Variants in ADCK1 observed in about 807,000 individuals in gnomAD.
The protein encoded by ADCK1 is aarF domain containing kinase 1.
ADCK1 carries 41 observed loss-of-function variants against 52.3 expected under a neutral mutation model. The observed-to-expected ratio is 0.78, with a 90% CI of 0.61 to 1.02. The LOEUF is 1.02. Among genes scored for constraint, ADCK1 ranks in the 50% least tolerant of loss-of-function variants. The pLI is 0.00. For missense variants in ADCK1, 658 were observed against 679.5 expected, an observed-to-expected ratio of 0.97 and a Z score of 0.35; for synonymous variants, 250 against 274.6, an observed-to-expected ratio of 0.91 and a Z score of 0.89.
intron 1 of ADCK1, among the ~76,000 whole-genome samples, chr14:77,808,988 A>T (rs1483385073): frequency 6.6e-6 from 1 of 152,226 alleles, no homozygotes; most frequent in Non-Finnish European, 1.5e-5. Context: ...TAATTAGACT[A>T]GTGAGGAATG....
At chr14:77,827,402 C>A (rs1184052316) in intron 3 of ADCK1, among the ~76,000 whole-genome samples, 2 of 147,850 alleles carry the variant, frequency 1.4e-5, no homozygotes, top group Admixed American at 6.7e-5. Context: ...CTAGATCTAG[C>A]TGAAATTGAA....
chr14:77,849,245 T>C (rs1373202930), intron 3 of ADCK1, among the ~76,000 whole-genome samples: 1 of 152,186 alleles, frequency 6.6e-6, no homozygotes, highest in African/African-American at 2.4e-5. Context: ...CAGCAATTTT[T>C]AAATTTTTTG....
chr14:77,917,321 A>G (rs2083947821), intron 7 of ADCK1, among the ~76,000 whole-genome samples: 1 of 152,176 alleles, frequency 6.6e-6, no homozygotes, highest in Non-Finnish European at 1.5e-5. Context: ...AGAGAGTTTG[A>G]ATGATTAACC....
intron 3 of ADCK1, among the ~76,000 whole-genome samples, chr14:77,833,614 A>G (rs1305995229): frequency 6.6e-6 from 1 of 152,166 alleles, no homozygotes; most frequent in African/African-American, 2.4e-5. Context: ...AGTTTTCCAC[A>G]GTGGCCCTGA....
chr14:77,837,010 G>A (rs746976500), intron 3 of ADCK1, among the ~76,000 whole-genome samples: 4 of 151,632 alleles, frequency 2.6e-5, no homozygotes, highest in Non-Finnish European at 5.9e-5. Context: ...GGCTGGTCTC[G>A]AACTCCTGAC....
chr14:77,884,725 G>A (rs2083110013), intron 4 of ADCK1, among the ~76,000 whole-genome samples: 1 of 152,120 alleles, frequency 6.6e-6, no homozygotes, highest in Non-Finnish European at 1.5e-5. Flanking sequence ...TTCTACCCCA[G>A]GCTTATATTT....
chr14:77,820,890 A>G (rs911473307), intron 2 of ADCK1: 1 of 151,520 alleles, frequency 6.6e-6, no homozygotes, highest in African/African-American at 2.4e-5. Context: ...TAATTTCTGT[A>G]TTTTTAGTAG....
Position 77,923,717 on chromosome 14 carries a change from G to A in ADCK1, c.859-740G>A, listed in dbSNP as rs17106616. The A allele has an allele frequency of 0.14, 21,495 of 152,176 alleles. 1,844 individuals carry two copies. Among genetic ancestry groups the A allele is most frequent in the East Asian group, 0.41 (2,118 of 5,164 alleles). 9.4% of individuals were successfully genotyped at this position (152,176 alleles called of 1,614,324 possible). On this transcript the variant is annotated intron_variant, in intron 7 of 10. Transcript: ENST00000238561. This position sits in a 1 kb window ranked among gnomAD's most constrained non-coding sequence, Gnocchi z 4.3. ...CTTTATTCAGCAGCTGTTCCTTAGC[G>A]GGGAAGAGGCTTTTAGCTTTAATAA...
Position 77,804,710 on chromosome 14 carries a change from C to T in ADCK1, c.-12+4540C>T, listed in dbSNP as rs1307536063. On this transcript the variant is annotated intron_variant, in intron 1 of 10. Transcript: ENST00000238561. ...ATTGTTCCTTGCTCTGCACAGGTCT[C>T]AGGCCTCACTGGCTGTAGTTTGTCC... 2.6e-5 allele frequency among the ~76,000 whole-genome samples: 4 copies of T among 152,176 alleles called. No individual in the cohort carries two copies. In the South Asian group the frequency reaches 6.2e-4, roughly 24 times the overall value.
At chr14:77,846,969 C>T (rs763294492) in intron 3 of ADCK1, among the ~76,000 whole-genome samples, 1 of 152,196 alleles carries the variant, frequency 6.6e-6, no homozygotes, top group Non-Finnish European at 1.5e-5. Context: ...TGCCCTTCAT[C>T]CTGGGATTGT....
intron 3 of ADCK1, among the ~76,000 whole-genome samples, chr14:77,847,659 C>T (rs911899999): frequency 1.6e-4 from 24 of 152,316 alleles, no homozygotes; most frequent in Non-Finnish European, 2.6e-4. Flanking sequence ...AAGATTGTTT[C>T]CCTTTTCCCA....
At chr14:77,826,855 A>C (rs1277154748) in intron 3 of ADCK1, among the ~76,000 whole-genome samples, 1 of 152,156 alleles carries the variant, frequency 6.6e-6, no homozygotes, top group Non-Finnish European at 1.5e-5. Flanking sequence ...AGCGGAGTCT[A>C]TTCTGCCGGC....
chr14:77,847,849 AT>A (rs1236417031), intron 3 of ADCK1, among the ~76,000 whole-genome samples: 2 of 152,086 alleles, frequency 1.3e-5, no homozygotes, highest in East Asian at 3.9e-4. Context: ...GTGTTCATGA[AT>A]TTGTTCCCAA....
At chr14:77,891,742 C>T (rs1239668650) in intron 5 of ADCK1, among the ~76,000 whole-genome samples, 1 of 152,138 alleles carries the variant, frequency 6.6e-6, no homozygotes, top group Non-Finnish European at 1.5e-5. Context: ...GGCCACCACC[C>T]CATGGATCAT....
intron 1 of ADCK1, among the ~76,000 whole-genome samples, chr14:77,803,613 A>G (rs938532404): frequency 6.6e-6 from 1 of 152,188 alleles, no homozygotes; most frequent in African/African-American, 2.4e-5. Context: ...TGATTTGACA[A>G]TAAAACAGCC....
chr14:77,835,385 G>A (rs997022494), intron 3 of ADCK1, among the ~76,000 whole-genome samples: 9 of 152,172 alleles, frequency 5.9e-5, no homozygotes. Flanking sequence ...CCTTCTTTCT[G>A]TATAACCAGA....
intron 4 of ADCK1, among the ~76,000 whole-genome samples, chr14:77,885,205 G>C (rs1042105421): frequency 2.0e-5 from 3 of 152,216 alleles, no homozygotes; most frequent in Non-Finnish European, 4.4e-5. Flanking sequence ...CCAAGATAAA[G>C]GGTTCTTATG....
intron 4 of ADCK1, among the ~76,000 whole-genome samples, chr14:77,863,057 A>T (rs998743086): frequency 1.3e-5 from 2 of 152,220 alleles, no homozygotes; most frequent in Non-Finnish European, 2.9e-5. Flanking sequence ...GTGAACAGTG[A>T]GGTCTTGTTG....
chr14:77,907,715 G>A, intron 6 of ADCK1, 88 bp from the exon 7 acceptor site: 1 of 968,764 alleles, frequency 1.0e-6, no homozygotes, highest in Non-Finnish European at 1.5e-6. Context: ...AGGAGCCTCT[G>A]TTGCTGTCTG....
Sources: gnomAD v4.1 joint callset for allele counts (sites outside exome capture counted in the v4.1 genomes callset) on GRCh38, gnomAD v4.1.1 for gene constraint, Gnocchi (gnomAD v3.1) non-coding constraint, MANE v1.5 for transcripts, NCBI Gene and HGNC (gene_info 2026-07-23, HGNC 2026-07-21) for gene names.